The following ARID3B variants were observed in gnomAD, a reference collection of about 807,000 sequenced individuals.
ARID3B encodes the protein AT-rich interaction domain 3B.
Under a neutral mutation model 51.9 loss-of-function variants are expected in ARID3B, and 10 were observed. The ratio of observed to expected loss-of-function variants is 0.19; its 90% CI spans 0.12 to 0.33. The LOEUF is 0.33. ARID3B is among the 10% of genes least tolerant of loss of function. ARID3B has a pLI of 1.00. For missense variants in ARID3B, 483 were observed against 716.3 expected, an observed-to-expected ratio of 0.67 and a Z score of 3.72; for synonymous variants, 205 against 279.5, an observed-to-expected ratio of 0.73 and a Z score of 2.66.
At position 74,551,937 on chromosome 15, in the gene ARID3B, AT is replaced by A. The variant is rs2061638859; in HGVS notation, c.552+7452del. ...AGCCCAGCCTTCCCTGACCTCATTGATTTCTCAGCATTATTGAATACAGAGC... is the reference window on the plus strand; with the variant it reads ...AGCCCAGCCTTCCCTGACCTCATTGATTCTCAGCATTATTGAATACAGAGC... On this transcript the variant is annotated intron_variant, in intron 2 of 8. Transcript: ENST00000346246. Among the ~76,000 whole-genome samples the A allele has an allele frequency of 1.3e-5, 2 of 150,280 alleles. 1 individual carries two copies. Among genetic ancestry groups the A allele is most frequent in the South Asian group, 4.2e-4 (2 of 4,774 alleles).
intron 2 of ARID3B, among the ~76,000 whole-genome samples, chr15:74,560,083 T>G (rs1289874657): frequency 7.2e-6 from 1 of 138,278 alleles, no homozygotes; most frequent in Non-Finnish European, 1.5e-5. Flanking sequence ...CACACACCTG[T>G]AATCCCAGCT....
chr15:74,542,000 T>A (rs1010955735), intron 1 of ARID3B, among the ~76,000 whole-genome samples: 3 of 152,180 alleles, frequency 2.0e-5, no homozygotes, highest in Non-Finnish European at 2.9e-5. Context: ...TGTATTGAGT[T>A]GTAGAACTGA....
intron 4 of ARID3B, among the ~76,000 whole-genome samples, chr15:74,588,237 A>T (rs1327358011): frequency 1.4e-5 from 2 of 144,256 alleles, no homozygotes; most frequent in African/African-American, 5.0e-5. Flanking sequence ...CTATCTTTTA[A>T]AAAAAAAAAA....
At chr15:74,582,917 G>T (rs2061767046) in intron 4 of ARID3B, among the ~76,000 whole-genome samples, 1 of 152,092 alleles carries the variant, frequency 6.6e-6, no homozygotes, top group Non-Finnish European at 1.5e-5. Context: ...GAACTAGCCG[G>T]GTACGGTGGC....
At chr15:74,592,523 G>T (rs1229239561) in intron 7 of ARID3B, among the ~76,000 whole-genome samples, 1 of 152,226 alleles carries the variant, frequency 6.6e-6, no homozygotes, top group African/African-American at 2.4e-5. Flanking sequence ...GAAACTGGGA[G>T]GTAACAGCTC....
intron 2 of ARID3B, among the ~76,000 whole-genome samples, chr15:74,570,462 CAAAAAAAAAA>C (rs71137395): frequency 9.4e-4 from 61 of 64,604 alleles, no homozygotes; most frequent in Non-Finnish European, 1.1e-3. Flanking sequence ...CTATAATTAG[CAAAAAAAAAA>C]AAAAAAAAAA....
At chr15:74,557,817 CTTTTT>C (rs11307414) in intron 2 of ARID3B, among the ~76,000 whole-genome samples, 1 of 109,776 alleles carries the variant, frequency 9.1e-6, no homozygotes, top group Non-Finnish European at 1.7e-5. Context: ...TTTCGACTTA[CTTTTT>C]TTTTTTTTTT....
chr15:74,597,292 G>A lies in ARID3B; in HGVS notation c.*1518G>A. 1 of 403,982 alleles carries A rather than the reference G, an allele frequency of 2.5e-6. No homozygotes were observed. The highest frequency in any genetic ancestry group is 2.5e-5 in the South Asian group (1 of 40,362). The allele number at this position is 403,982 out of a possible 1,614,324, so 25.0% of individuals were successfully genotyped here. On this transcript the variant is annotated 3_prime_UTR_variant, in exon 9 of 9. Coordinates refer to ENST00000346246, the MANE Select transcript of ARID3B (RefSeq NM_006465.4). ...AGTCGAGGAAGCCCTGGAATGTTCA[G>A]CAGAACACCACCACTGTGACATGGG... is the stretch of plus-strand genomic sequence containing the variant.
chr15:74,563,381 G>A (rs1364794962), intron 2 of ARID3B, among the ~76,000 whole-genome samples: 1 of 152,002 alleles, frequency 6.6e-6, no homozygotes, highest in East Asian at 1.9e-4. Flanking sequence ...CCAAACTTGT[G>A]GAATCCCAAA....
At chr15:74,550,755 G>T (rs1315586009) in intron 2 of ARID3B, among the ~76,000 whole-genome samples, 2 of 151,762 alleles carry the variant, frequency 1.3e-5, no homozygotes, top group Non-Finnish European at 2.9e-5. Context: ...CTGCTTGCTT[G>T]CTCTAGTACT....
intron 4 of ARID3B, among the ~76,000 whole-genome samples, chr15:74,586,483 T>G (rs868080872): frequency 1.3e-5 from 2 of 152,256 alleles, no homozygotes; most frequent in African/African-American, 2.4e-5. Flanking sequence ...AAAGATGCCA[T>G]CTCAAACAGC....
intron 4 of ARID3B, among the ~76,000 whole-genome samples, chr15:74,589,021 CTTT>C (rs900091332): frequency 4.6e-5 from 4 of 87,840 alleles, no homozygotes; most frequent in African/African-American, 2.0e-4. Context: ...CAAGCACACT[CTTT>C]TTTTTTTTTT....
At chr15:74,571,365 A>G (rs1567121663) in intron 2 of ARID3B, among the ~76,000 whole-genome samples, 2 of 152,208 alleles carry the variant, frequency 1.3e-5, no homozygotes, top group South Asian at 2.1e-4. Context: ...CCAGCCCCAC[A>G]TGTCCTTTCC....
chr15:74,572,392 A>C (rs926297473), intron 2 of ARID3B, among the ~76,000 whole-genome samples: 1 of 152,208 alleles, frequency 6.6e-6, no homozygotes, highest in East Asian at 1.9e-4. Context: ...TAAGAGACCA[A>C]CTTCAGGATG....
At chr15:74,578,723 CA>C (rs758379086) in intron 4 of ARID3B, among the ~76,000 whole-genome samples, 1 of 151,536 alleles carries the variant, frequency 6.6e-6, no homozygotes, top group Admixed American at 6.6e-5. Context: ...CCTGTCTCTA[CA>C]AAAAAAACAT....
At position 74,543,933 on chromosome 15, in the gene ARID3B, A is replaced by G. The variant is rs1567113757; in HGVS notation, c.-4A>G. On this transcript the variant is annotated 5_prime_UTR_variant, in exon 2 of 9. Coordinates refer to ENST00000346246, the MANE Select transcript of ARID3B (RefSeq NM_006465.4). The stretch of plus-strand genomic sequence containing the variant: ...CCACTCTGTGGGTGAAGCTTGAGGC[A>G]AAAATGGAGCCACTTCAGCAGCAGC... 1 of 1,607,162 alleles carries G rather than the reference A, an allele frequency of 6.2e-7. No individual in the cohort carries two copies. The highest frequency in any genetic ancestry group is 8.5e-7 in the Non-Finnish European group (1 of 1,176,452).
At chr15:74,556,667 A>G (rs1205041073) in intron 2 of ARID3B, among the ~76,000 whole-genome samples, 1 of 151,216 alleles carries the variant, frequency 6.6e-6, no homozygotes, top group Non-Finnish European at 1.5e-5. Context: ...CACAGTTATT[A>G]TTTATTTAGA....
intron 2 of ARID3B, among the ~76,000 whole-genome samples, chr15:74,553,271 A>T (rs2141449585): frequency 6.6e-6 from 1 of 152,362 alleles, no homozygotes; most frequent in Non-Finnish European, 1.5e-5. Flanking sequence ...TGATGTTGAC[A>T]TCATCCACTG....
In ARID3B at chr15:74,595,770, T is replaced by C. The variant is rs1383525674; in HGVS notation, c.1679T>C (p.Leu560Pro). The change falls in exon 9 of 9, where the codon CTC (leucine) becomes CCC (proline). Residue 560 changes from leucine to proline, a missense_variant. This residue lies in a region of ARID3B where 265 missense variants were observed against 354.4 expected (regional missense o/e 0.75). Transcript: ENST00000346246. ...PSAEPSTSWSL is the reference protein window; with the variant it reads ...PSAEPSTSWSP ...GCAGAGCCCTCCACCAGCTGGTCCC[T>C]CTGATGGGCAGGACCCAGCTTCCCA... 6.9e-6 allele frequency: 11 copies of C among 1,602,978 alleles called. No individual in the cohort carries two copies. Among genetic ancestry groups the C allele is most frequent in the Non-Finnish European group, 9.4e-6 (11 of 1,173,444 alleles).
Sources: allele counts gnomAD v4.1 joint callset (sites outside exome capture counted in the v4.1 genomes callset), GRCh38; gene constraint gnomAD v4.1.1; regional missense constraint gnomAD v4.1.1; transcripts MANE v1.5; gene names NCBI Gene and HGNC (gene_info 2026-07-23, HGNC 2026-07-21).